AR: variants seen among roughly 807,000 people sequenced by gnomAD.
The protein encoded by AR is dihydrotestosterone receptor.
In AR, 8 loss-of-function variants were observed where a neutral mutation model predicts 53.9. The observed-to-expected ratio is 0.15, with a 90% CI of 0.09 to 0.27. The LOEUF is 0.27. AR is among the 10% of genes least tolerant of loss of function. The pLI, the probability that AR is intolerant of heterozygous loss-of-function variation, is 1.00. For missense variants in AR, 639 were observed against 742.5 expected (o/e 0.86, Z 1.62); for synonymous variants, 359 against 316.4 (o/e 1.13, Z -1.43).
chrX:67,578,819 A>T (rs1282931877), intron 1 of AR, among the ~76,000 whole-genome samples: 1 of 111,931 alleles, frequency 8.9e-6, no homozygotes, highest in African/African-American at 3.2e-5. Flanking sequence ...AAGGACTTTG[A>T]ACATTTATAT....
rs1000687901 is a variant in AR, at chrX:67,626,367, G to T, written c.1617-16889G>T. Among the ~76,000 whole-genome samples the T allele has an allele frequency of 4.6e-4, 49 of 106,593 alleles. 1 individual carries two copies. The highest frequency in any genetic ancestry group is 1.6e-3 in the African/African-American group (47 of 29,417). 92.6% of individuals were successfully genotyped at this position (106,593 alleles called of 115,157 possible). A position where few individuals can be genotyped will look rare whatever the true frequency, so the allele number is the denominator to read the frequency against. On this transcript the variant is annotated intron_variant, in intron 1 of 7. Transcript: ENST00000374690. ...GAACATGTAAAGTTTGTCTTTCTGT[G>T]CCAGGTTTATTTCACATAACATAAC...
At chrX:67,611,715 G>C (rs1317971649) in intron 1 of AR, among the ~76,000 whole-genome samples, 1 of 111,378 alleles carries the variant, frequency 9.0e-6, no homozygotes, top group Non-Finnish European at 1.9e-5. Flanking sequence ...AGGGACCTTA[G>C]AGATTTCCTA....
chrX:67,695,290 G>A (rs2076014671), intron 3 of AR: 2 of 754,251 alleles, frequency 2.7e-6, no homozygotes, highest in East Asian at 1.5e-4. Flanking sequence ...CTTAGCCTCA[G>A]GCCCTGTCAC....
intron 1 of AR, among the ~76,000 whole-genome samples, chrX:67,555,193 T>TA (rs1289161926): frequency 3.2e-3 from 348 of 110,191 alleles, no homozygotes; most frequent in Non-Finnish European, 4.4e-3. Context: ...GTAGATATTT[T>TA]AAAAAAAAAG....
At chrX:67,618,522 A>G (rs1924221879) in intron 1 of AR, among the ~76,000 whole-genome samples, 1 of 111,399 alleles carries the variant, frequency 9.0e-6, no homozygotes, top group Non-Finnish European at 1.9e-5. Flanking sequence ...CGTCAAGGCT[A>G]GACACTGGAA....
intron 4 of AR, among the ~76,000 whole-genome samples, chrX:67,717,100 A>G (rs2076116374): frequency 8.9e-6 from 1 of 112,225 alleles, no homozygotes; most frequent in Admixed American, 9.4e-5. Context: ...CCCCATAAAT[A>G]CATACAACTA....
At chrX:67,665,073 C>T (rs1029592591) in intron 2 of AR, among the ~76,000 whole-genome samples, 3 of 112,980 alleles carry the variant, frequency 2.7e-5, no homozygotes, top group Non-Finnish European at 3.7e-5. Context: ...CTGGGTGAGG[C>T]GATGTCTCGC....
intron 1 of AR, among the ~76,000 whole-genome samples, chrX:67,562,244 G>A (rs1446281866): frequency 1.8e-5 from 2 of 110,133 alleles, no homozygotes; most frequent in East Asian, 2.9e-4. Context: ...GATTACAGGC[G>A]TGAATCAATG....
At chrX:67,660,504 G>A in intron 2 of AR, among the ~76,000 whole-genome samples, 1 of 111,675 alleles carries the variant, frequency 9.0e-6, no homozygotes, top group Non-Finnish European at 1.9e-5. Flanking sequence ...TGTCAGGTTT[G>A]TCAAAGATCA....
At chrX:67,566,058 A>G (rs1239323344) in intron 1 of AR, among the ~76,000 whole-genome samples, 1 of 112,131 alleles carries the variant, frequency 8.9e-6, no homozygotes, top group Admixed American at 9.4e-5. Context: ...TTTGCTATTG[A>G]ATGAATGAGT....
At chrX:67,693,808 C>T (rs760738773) in intron 3 of AR, among the ~76,000 whole-genome samples, 1 of 112,239 alleles carries the variant, frequency 8.9e-6, no homozygotes, top group African/African-American at 3.2e-5. Context: ...CCAGTTCAAC[C>T]TTGTGATACT....
chrX:67,664,736 G>A (rs1280236251), intron 2 of AR, among the ~76,000 whole-genome samples: 2 of 112,555 alleles, frequency 1.8e-5, no homozygotes, highest in Non-Finnish European at 3.8e-5. Context: ...GAGGCAGGCA[G>A]GCCTCCTTGA....
At chrX:67,658,647 G>C (rs1203782576) in intron 2 of AR, among the ~76,000 whole-genome samples, 6 of 111,538 alleles carry the variant, frequency 5.4e-5, no homozygotes, top group African/African-American at 2.0e-4. Context: ...ACTAGGGAGA[G>C]ATGTGTGAGT....
chrX:67,721,463 A>G (rs1389188910), intron 5 of AR, among the ~76,000 whole-genome samples: 1 of 111,478 alleles, frequency 9.0e-6, no homozygotes, highest in African/African-American at 3.3e-5. Flanking sequence ...GCTGTAGCTG[A>G]GATGTTAGAA....
intron 1 of AR, among the ~76,000 whole-genome samples, chrX:67,642,982 G>A (rs140089983): frequency 1.6e-4 from 18 of 111,540 alleles, no homozygotes; most frequent in African/African-American, 5.5e-4. Flanking sequence ...CAGGCTTCCT[G>A]CCTTCATTGC....
intron 1 of AR, among the ~76,000 whole-genome samples, chrX:67,614,633 G>A (rs772909108): frequency 5.5e-4 from 61 of 110,966 alleles, no homozygotes; most frequent in African/African-American, 2.0e-3. Flanking sequence ...TTACAATATA[G>A]TATCTAAAAT....
intron 2 of AR, among the ~76,000 whole-genome samples, chrX:67,676,380 A>G (rs2075900031): frequency 8.9e-6 from 1 of 112,477 alleles, no homozygotes; most frequent in Non-Finnish European, 1.9e-5. Flanking sequence ...CACAAAAAAT[A>G]GTCTGTTGCA....
At chrX:67,674,189 C>T (rs1244104572) in intron 2 of AR, among the ~76,000 whole-genome samples, 4 of 109,704 alleles carry the variant, frequency 3.6e-5, no homozygotes, top group Non-Finnish European at 5.7e-5. Context: ...TTCTCTCTCT[C>T]TCTCTCCCTC....
intron 2 of AR, among the ~76,000 whole-genome samples, chrX:67,664,903 G>A (rs1183729999): frequency 8.9e-6 from 1 of 112,741 alleles, no homozygotes; most frequent in Admixed American, 9.3e-5. Context: ...GTGGGCGTAG[G>A]ACCCTCTGAG....
Sources: gnomAD v4.1 joint callset for allele counts (sites outside exome capture counted in the v4.1 genomes callset) on GRCh38, gnomAD v4.1.1 for gene constraint, MANE v1.5 for transcripts, NCBI Gene and HGNC (gene_info 2026-07-23, HGNC 2026-07-21) for gene names.